The following SLC49A4 variants were observed in gnomAD, a reference collection of about 807,000 sequenced individuals.
SLC49A4 encodes the protein solute carrier family 49 member 4.
In SLC49A4, 36 loss-of-function variants were observed where a neutral mutation model predicts 50.6. That is an observed-to-expected ratio of 0.71 (90% CI 0.55 to 0.94). The LOEUF (loss-of-function observed/expected upper bound fraction) is 0.94, where lower values mean the gene tolerates loss of function less well. SLC49A4 is among the 40% of genes least tolerant of loss of function. The pLI is 0.00. For synonymous variants in SLC49A4, 248 were observed against 241.2 expected (o/e 1.03, Z -0.26); for missense variants, 503 against 605.7 (o/e 0.83, Z 1.78).
At chr3:122,842,467 C>G (rs1284581566) in intron 4 of SLC49A4, among the ~76,000 whole-genome samples, 1 of 106,504 alleles carries the variant, frequency 9.4e-6, no homozygotes, top group Non-Finnish European at 1.7e-5. Flanking sequence ...GCCTGGGCGA[C>G]AGAGCGAGAC....
At chr3:122,866,125 A>G (rs1187230452) in intron 7 of SLC49A4, among the ~76,000 whole-genome samples, 3 of 151,810 alleles carry the variant, frequency 2.0e-5, no homozygotes, top group Admixed American at 6.6e-5. Flanking sequence ...TCAACCTCCC[A>G]GGCTAAAGCT....
chr3:122,822,862 A>G (rs1936472778), intron 2 of SLC49A4, among the ~76,000 whole-genome samples: 1 of 152,116 alleles, frequency 6.6e-6, no homozygotes. Context: ...TATTAGCCAC[A>G]TGTTAGATGT....
At chr3:122,836,365 A>C (rs1180283674) in intron 4 of SLC49A4, among the ~76,000 whole-genome samples, 3 of 152,100 alleles carry the variant, frequency 2.0e-5, no homozygotes, top group Admixed American at 6.6e-5. Flanking sequence ...ATGGTGGATA[A>C]GCTTTTTGAT....
At chr3:122,854,112 C>T (rs1936956714) in intron 5 of SLC49A4, among the ~76,000 whole-genome samples, 1 of 152,110 alleles carries the variant, frequency 6.6e-6, no homozygotes, top group Non-Finnish European at 1.5e-5. Flanking sequence ...TTGTGGGAGC[C>T]TAGTGGGCGT....
chr3:122,874,482 C>T (rs926926949), intron 8 of SLC49A4, among the ~76,000 whole-genome samples: 1 of 152,214 alleles, frequency 6.6e-6, no homozygotes, highest in Non-Finnish European at 1.5e-5. Context: ...AGAAACAAAA[C>T]TTCCCTCTTT....
At chr3:122,805,904 A>AAG (rs1560193651) in intron 1 of SLC49A4, among the ~76,000 whole-genome samples, 8 of 152,232 alleles carry the variant, frequency 5.3e-5, no homozygotes, top group African/African-American at 1.9e-4. Flanking sequence ...TGTCTTCTAA[A>AAG]GTCCTAAGCC....
In SLC49A4 at chr3:122,864,584, C is replaced by G. The variant is rs113287090; in HGVS notation, c.1138+4382C>G. The stretch of plus-strand genomic sequence containing the variant: ...ATCTAAACTTACTAGAATGCTATGA[C>G]AGTGATATCAGAAACATGCTGGATG... On this transcript the variant is annotated intron_variant, in intron 7 of 8. Coordinates refer to ENST00000261038, the MANE Select transcript of SLC49A4 (RefSeq NM_032839.3). Among the ~76,000 whole-genome samples the G allele has an allele frequency of 2.1e-3, 322 of 152,282 alleles. 1 individual carries two copies. The highest frequency in any genetic ancestry group is 3.4e-3 in the Middle Eastern group (1 of 294).
At chr3:122,831,040 T>C (rs1936602080) in intron 3 of SLC49A4, among the ~76,000 whole-genome samples, 3 of 152,114 alleles carry the variant, frequency 2.0e-5, no homozygotes, top group Non-Finnish European at 2.9e-5. Context: ...GTGTCATTAG[T>C]CATTAGGGAA....
chr3:122,857,861 C>T (rs1380050674), intron 6 of SLC49A4, among the ~76,000 whole-genome samples: 1 of 152,146 alleles, frequency 6.6e-6, no homozygotes, highest in Non-Finnish European at 1.5e-5. Context: ...AATGATGTCT[C>T]AAATGCTCCT....
At chr3:122,804,844 CTGTTGTATTGTTAAATATTTG>C (rs1936191772) in intron 1 of SLC49A4, among the ~76,000 whole-genome samples, 1 of 152,144 alleles carries the variant, frequency 6.6e-6, no homozygotes, top group African/African-American at 2.4e-5. Context: ...TTTATATTAG[CTGTTGTATTGTTAAATATTTG>C]ATAAAAAGCA....
intron 5 of SLC49A4, among the ~76,000 whole-genome samples, chr3:122,847,512 T>C (rs1560223726): frequency 6.6e-6 from 1 of 151,862 alleles, no homozygotes; most frequent in Non-Finnish European, 1.5e-5. Context: ...ACCCGGCTAA[T>C]TTTTTTGTAT....
intron 3 of SLC49A4, 61 bp from the exon 4 acceptor site, chr3:122,833,256 A>T: frequency 1.3e-6 from 2 of 1,531,678 alleles, no homozygotes; most frequent in Admixed American, 1.7e-5. Flanking sequence ...ACAAATAAAT[A>T]CTTGAAGTCT....
chr3:122,862,610 T>C (rs1937070943), intron 7 of SLC49A4, among the ~76,000 whole-genome samples: 1 of 152,268 alleles, frequency 6.6e-6, no homozygotes. Context: ...ACAACTCTTC[T>C]TATTCATGGC....
At chr3:122,871,485 TG>T (rs1937196439) in intron 7 of SLC49A4, among the ~76,000 whole-genome samples, 1 of 152,162 alleles carries the variant, frequency 6.6e-6, no homozygotes, top group African/African-American at 2.4e-5. Context: ...CATACAGGAT[TG>T]TTTTTTTCCT....
At chr3:122,834,679 C>G (rs111690299) in intron 4 of SLC49A4, among the ~76,000 whole-genome samples, 53 of 151,692 alleles carry the variant, frequency 3.5e-4, no homozygotes, top group African/African-American at 1.3e-3. Flanking sequence ...AAACCAAAAC[C>G]AAAGCCAGCA....
chr3:122,856,368 T>C lies in SLC49A4; in HGVS notation c.1004T>C (p.Met335Thr), dbSNP rs760826888. ...IVGGCVVGIA[M>T]ARFADFIRGM... The stretch of plus-strand genomic sequence containing the variant: ...GGAGGCTGTGTTGTTGGAATAGCTA[T>C]GGCAAGGTGAGAATATTTTGTTAAA... Residue 335 changes from methionine to threonine, a missense_variant, in exon 6 of 9, where the codon ATG (methionine) becomes ACG (threonine). Physicochemically the swap from Met to Thr is moderately conservative, Grantham distance 81. Coordinates refer to ENST00000261038, the MANE Select transcript of SLC49A4 (RefSeq NM_032839.3). 8 of 1,613,828 alleles carry C rather than the reference T, an allele frequency of 5.0e-6. No individual in the cohort carries two copies. The Admixed American group carries it at 8.3e-5, about 17-fold the overall frequency.
intron 8 of SLC49A4, among the ~76,000 whole-genome samples, chr3:122,873,104 T>C (rs547259976): frequency 1.3e-5 from 2 of 152,318 alleles, no homozygotes; most frequent in African/African-American, 4.8e-5. Flanking sequence ...GCCGAATTGT[T>C]TATAGGAGTG....
In SLC49A4 at chr3:122,795,333, A is replaced by G. The variant is rs762285250; in HGVS notation, c.141A>G (p.Val47=). 3 of 1,541,692 alleles carry G rather than the reference A, an allele frequency of 1.9e-6. No individual in the cohort carries two copies. Among genetic ancestry groups the G allele is most frequent in the Non-Finnish European group, 2.6e-6 (3 of 1,154,216 alleles). Residue 47 remains valine, a synonymous_variant, in exon 1 of 9, where the codon GTA becomes GTG. Transcript: ENST00000261038. ...LPAAVPGPGR[V]YGRRWLVLLL... ...CGGCGGTCCCGGGTCCCGGGCGGGT[A>G]TACGGGCGCCGCTGGCTGGTGCTGC...
chr3:122,865,896 A>G (rs146378185), intron 7 of SLC49A4, among the ~76,000 whole-genome samples: 1 of 152,072 alleles, frequency 6.6e-6, no homozygotes, highest in Non-Finnish European at 1.5e-5. Flanking sequence ...TCTTGATTCT[A>G]CTCCTTAAGA....
Sources: gnomAD v4.1 joint callset for allele counts (sites outside exome capture counted in the v4.1 genomes callset) on GRCh38, gnomAD v4.1.1 for gene constraint, MANE v1.5 for transcripts, NCBI Gene and HGNC (gene_info 2026-07-23, HGNC 2026-07-21) for gene names.